Variants in RNF8 observed in about 807,000 individuals in gnomAD.
RNF8 encodes the protein E3 ubiquitin-protein ligase RNF8.
Under a neutral mutation model 59.3 loss-of-function variants are expected in RNF8, and 8 were observed. The ratio of observed to expected loss-of-function variants is 0.13; its 90% CI spans 0.08 to 0.24. The LOEUF (loss-of-function observed/expected upper bound fraction) is 0.24. Among genes scored for constraint, RNF8 ranks in the 10% least tolerant of loss-of-function variants. RNF8 has a pLI of 1.00. For missense variants in RNF8, 406 were observed against 572.6 expected (o/e 0.71, Z 2.97); for synonymous variants, 162 against 200.0 (o/e 0.81, Z 1.60).
Position 37,354,062 on chromosome 6 carries a change from C to G in RNF8, c.-103C>G. The G allele has an allele frequency of 1.0e-6, 1 of 974,162 alleles. No individual in the cohort carries two copies. Among genetic ancestry groups the G allele is most frequent in the Middle Eastern group, 2.5e-4 (1 of 4,000 alleles). 60.3% of individuals were successfully genotyped at this position (974,162 alleles called of 1,614,324 possible). On this transcript the variant is annotated 5_prime_UTR_variant, in exon 1 of 8. Coordinates refer to ENST00000373479, the MANE Select transcript of RNF8 (RefSeq NM_003958.4). ...GATCGCGAGCGTGTGGCGATTGCTT[C>G]TGTCTGTTATTTAGATATGGAAGCT...
At chr6:37,371,805 T>G (rs147249923) in intron 4 of RNF8, among the ~76,000 whole-genome samples, 355 of 152,300 alleles carry the variant, frequency 2.3e-3, no homozygotes, top group East Asian at 5.0e-3. Context: ...GAAGTTGCTC[T>G]GGTGAAGATG....
chr6:37,354,080 T>C lies in RNF8; in HGVS notation c.-85T>C. ...ATTGCTTCTGTCTGTTATTTAGATA[T>C]GGAAGCTGAGGGGATGCACAGAGGC... On this transcript the variant is annotated 5_prime_UTR_variant, in exon 1 of 8. It removes an upstream start codon present in the reference 5' UTR. Coordinates refer to ENST00000373479, the MANE Select transcript of RNF8 (RefSeq NM_003958.4). The C allele has an allele frequency of 9.1e-7, 1 of 1,093,954 alleles. No homozygotes were observed. Among genetic ancestry groups the C allele is most frequent in the Non-Finnish European group, 1.4e-6 (1 of 732,668 alleles). The allele number at this position is 1,093,954 out of a possible 1,614,324, so 67.8% of individuals were successfully genotyped here.
chr6:37,362,969 AT>A (rs1009323946), intron 2 of RNF8, among the ~76,000 whole-genome samples: 3 of 152,186 alleles, frequency 2.0e-5, no homozygotes, highest in African/African-American at 7.2e-5. Context: ...AGCTTTTCAG[AT>A]GGCCCGTCCT....
intron 1 of RNF8, among the ~76,000 whole-genome samples, chr6:37,355,449 A>G (rs190144760): frequency 6.6e-6 from 1 of 152,274 alleles, no homozygotes; most frequent in African/African-American, 2.4e-5. Context: ...GGACAAATAA[A>G]ATTTCTGCGC....
At chr6:37,372,994 C>G (rs902522762) in intron 4 of RNF8, among the ~76,000 whole-genome samples, 1 of 152,138 alleles carries the variant, frequency 6.6e-6, no homozygotes, top group African/African-American at 2.4e-5. Context: ...GGTCATGGTT[C>G]TATACCATCA....
intron 3 of RNF8, among the ~76,000 whole-genome samples, chr6:37,369,625 G>T (rs1769715634): frequency 6.6e-6 from 1 of 152,254 alleles, no homozygotes; most frequent in South Asian, 2.1e-4. Flanking sequence ...TCTTTGCTCT[G>T]TGGCCAAGGC....
intron 6 of RNF8, among the ~76,000 whole-genome samples, chr6:37,378,325 G>A (rs181274376): frequency 7.2e-5 from 11 of 152,146 alleles, no homozygotes; most frequent in Non-Finnish European, 1.6e-4. Flanking sequence ...TGTAGGCCGG[G>A]TGCAATGGCT....
chr6:37,354,059 C>A lies in RNF8; in HGVS notation c.-106C>A. Reference sequence around the variant, plus strand: ...AGCGATCGCGAGCGTGTGGCGATTGCTTCTGTCTGTTATTTAGATATGGAA... The same window carrying A: ...AGCGATCGCGAGCGTGTGGCGATTGATTCTGTCTGTTATTTAGATATGGAA... On this transcript the variant is annotated 5_prime_UTR_variant, in exon 1 of 8. Transcript: ENST00000373479. 1 of 959,032 alleles carries A rather than the reference C, an allele frequency of 1.0e-6. No individual in the cohort carries two copies. The highest frequency in any genetic ancestry group is 1.6e-6 in the Non-Finnish European group (1 of 616,706). 59.4% of individuals were successfully genotyped at this position (959,032 alleles called of 1,614,324 possible).
At chr6:37,389,858 C>A (rs1770655782) in intron 7 of RNF8, among the ~76,000 whole-genome samples, 1 of 152,156 alleles carries the variant, frequency 6.6e-6, no homozygotes, top group African/African-American at 2.4e-5. Context: ...ATGCCCAGCC[C>A]CAAGGCCCAC....
At chr6:37,379,051 G>C (rs1770141864) in intron 6 of RNF8, among the ~76,000 whole-genome samples, 1 of 151,938 alleles carries the variant, frequency 6.6e-6, no homozygotes, top group Non-Finnish European at 1.5e-5. Flanking sequence ...GAGTCTCACT[G>C]TGTCACCCAG....
chr6:37,359,045 A>C lies in RNF8; in HGVS notation c.112-1401A>C, dbSNP rs368293510. 6.6e-4 allele frequency: 229 copies of C among 346,106 alleles called. 4 individuals are homozygous for C. The highest frequency in any genetic ancestry group is 5.2e-3 in the South Asian group (220 of 42,618). The allele number at this position is 346,106 out of a possible 1,614,324, so 21.4% of individuals were successfully genotyped here. A position where few individuals can be genotyped will look rare whatever the true frequency, so the allele number is the denominator to read the frequency against. On this transcript the variant is annotated intron_variant, in intron 1 of 7. Coordinates refer to ENST00000373479, the MANE Select transcript of RNF8 (RefSeq NM_003958.4). Reference sequence around the variant, plus strand: ...CGGGAGGCAGAGGTTGCAGTGAGCTAAGATCGTGCCACTGCACTCCAGCCT... The same window carrying C: ...CGGGAGGCAGAGGTTGCAGTGAGCTCAGATCGTGCCACTGCACTCCAGCCT...
chr6:37,370,786 A>G (rs1769770840), intron 3 of RNF8, among the ~76,000 whole-genome samples: 1 of 150,968 alleles, frequency 6.6e-6, no homozygotes, highest in Admixed American at 6.6e-5. Flanking sequence ...GGTTTTTGCC[A>G]TTAAGGAATT....
At chr6:37,361,527 C>T (rs1173154810) in intron 2 of RNF8, 1 of 351,620 alleles carries the variant, frequency 2.8e-6, no homozygotes, top group African/African-American at 2.2e-5. Context: ...TATACAAGCA[C>T]CGAGGAATGT....
At chr6:37,357,098 T>A (rs1368008750) in intron 1 of RNF8, among the ~76,000 whole-genome samples, 1 of 152,164 alleles carries the variant, frequency 6.6e-6, no homozygotes, top group African/African-American at 2.4e-5. Flanking sequence ...GAGATAGTCT[T>A]AGTGAAGGTG....
intron 2 of RNF8, among the ~76,000 whole-genome samples, chr6:37,364,766 AT>A (rs1327676546): frequency 1.3e-5 from 2 of 151,736 alleles, no homozygotes; most frequent in Non-Finnish European, 2.9e-5. Flanking sequence ...TAGTGGCTTT[AT>A]TTTTTTTGTT....
intron 6 of RNF8, among the ~76,000 whole-genome samples, chr6:37,378,462 A>C (rs1473430198): frequency 3.3e-5 from 5 of 151,978 alleles, no homozygotes; most frequent in African/African-American, 4.8e-5. Context: ...TTAGCCAAGC[A>C]TGGTGGCATG....
chr6:37,372,150 TG>T (rs540644453), intron 4 of RNF8, among the ~76,000 whole-genome samples: 94 of 152,356 alleles, frequency 6.2e-4, no homozygotes, highest in African/African-American at 2.2e-3. Flanking sequence ...TATTTTTTTG[TG>T]TGCTCTTTTG....
chr6:37,360,566 GACA>G lies in RNF8; in HGVS notation c.237_239del (p.Asn79del), dbSNP rs903841693. The G allele has an allele frequency of 1.2e-6, 2 of 1,613,398 alleles. No homozygotes were observed. Among genetic ancestry groups the G allele is most frequent in the African/African-American group, 2.7e-5 (2 of 74,806 alleles). The stretch of plus-strand genomic sequence containing the variant: ...TCCTGAGGGCCAATGGACAATTATG[GACA>G]ACAAGGTACAGGAATTCACAGAAGC... On this transcript the variant is annotated inframe_deletion, in exon 2 of 8. Transcript: ENST00000373479. The surrounding 1 kb of genome is among the most constrained non-coding windows in gnomAD (Gnocchi z 4.2).
At position 37,390,777 on chromosome 6, in the gene RNF8, A is replaced by G. The variant is rs1770701072; in HGVS notation, c.*19A>G. 6.2e-7 allele frequency: 1 copy of G among 1,613,960 alleles called. No individual in the cohort carries two copies. Among genetic ancestry groups the G allele is most frequent in the Non-Finnish European group, 8.5e-7 (1 of 1,179,954 alleles). On this transcript the variant is annotated 3_prime_UTR_variant, in exon 8 of 8. Coordinates refer to ENST00000373479, the MANE Select transcript of RNF8 (RefSeq NM_003958.4). ...GTTCTGAAGACCGTGCTCTAAGGGCATTTGAAAGACTGCCAGGTAGTGCGA... is the reference window on the plus strand; with the variant it reads ...GTTCTGAAGACCGTGCTCTAAGGGCGTTTGAAAGACTGCCAGGTAGTGCGA...
Sources: gnomAD v4.1 joint callset for allele counts (sites outside exome capture counted in the v4.1 genomes callset) on GRCh38, gnomAD v4.1.1 for gene constraint, Gnocchi (gnomAD v3.1) non-coding constraint, MANE v1.5 for transcripts, NCBI Gene and HGNC (gene_info 2026-07-23, HGNC 2026-07-21) for gene names.